Variants in CSGALNACT1 observed in about 807,000 individuals in gnomAD.
The protein encoded by CSGALNACT1 is beta4GalNAcT-1.
A neutral mutation model predicts 51.0 loss-of-function variants in CSGALNACT1; 52 were observed. The ratio of observed to expected loss-of-function variants is 1.02; its 90% CI spans 0.82 to 1.29. The LOEUF is 1.29. CSGALNACT1 is among the 50% of genes most tolerant of loss of function. The probability of loss-of-function intolerance (pLI) is 0.00; values close to 1 mark genes in which losing one functional copy is unlikely to be tolerated. For missense variants in CSGALNACT1, 935 were observed against 679.2 expected (o/e 1.38, Z -4.19); for synonymous variants, 341 against 254.4 (o/e 1.34, Z -3.24).
At chr8:19,458,605 A>G (rs753112856) in exon 5 of CSGALNACT1, 1 of 1,614,214 alleles carries the variant, frequency 6.2e-7, no homozygotes, top group Non-Finnish European at 8.5e-7. Context: ...AGGTGAGCTC[A>G]TACAATGTCC....
intron 4 of CSGALNACT1, among the ~76,000 whole-genome samples, chr8:19,467,165 G>A (rs1486781327): frequency 7.7e-6 from 1 of 130,460 alleles, no homozygotes; most frequent in Non-Finnish European, 1.5e-5. Context: ...TGTCACCCAG[G>A]CTGGAGTGCA....
intron 4 of CSGALNACT1, among the ~76,000 whole-genome samples, chr8:19,497,055 G>T (rs555461286): frequency 6.6e-6 from 1 of 152,186 alleles, no homozygotes; most frequent in Non-Finnish European, 1.5e-5. Context: ...TCACCTTAGG[G>T]AACTGGTGAA....
At chr8:19,459,643 C>T (rs1038736262) in intron 4 of CSGALNACT1, among the ~76,000 whole-genome samples, 2 of 152,140 alleles carry the variant, frequency 1.3e-5, no homozygotes, top group African/African-American at 4.8e-5. Context: ...ACTATCAAGC[C>T]AAACTGCCTG....
chr8:19,702,216 T>A (rs75683726), intron 1 of CSGALNACT1, among the ~76,000 whole-genome samples: 3,417 of 152,140 alleles, frequency 0.022, 132 homozygotes, highest in African/African-American at 0.079. Flanking sequence ...CCAAAGGTAT[T>A]CAGTGGATCC....
chr8:19,729,449 T>C (rs1012204952), intron 1 of CSGALNACT1, among the ~76,000 whole-genome samples: 2 of 152,210 alleles, frequency 1.3e-5, no homozygotes, highest in African/African-American at 2.4e-5. Context: ...GCCATACAGA[T>C]GCAGAATGGT....
At chr8:19,450,230 AG>A (rs1327451942) in intron 5 of CSGALNACT1, among the ~76,000 whole-genome samples, 10 of 58,690 alleles carry the variant, frequency 1.7e-4, no homozygotes, top group Admixed American at 1.4e-3. Context: ...AGGGAGGGGG[AG>A]GGGGCAGGGA....
At chr8:19,437,606 C>G (rs566532622) in intron 6 of CSGALNACT1, among the ~76,000 whole-genome samples, 6 of 152,180 alleles carry the variant, frequency 3.9e-5, no homozygotes, top group African/African-American at 1.4e-4. Context: ...GAGATCAACA[C>G]CAAAAAATTA....
chr8:19,536,255 A>T (rs2083712465), intron 3 of CSGALNACT1, among the ~76,000 whole-genome samples: 1 of 152,188 alleles, frequency 6.6e-6, no homozygotes, highest in Non-Finnish European at 1.5e-5. Context: ...TTAACAGGGG[A>T]GGCTACACAT....
chr8:19,643,601 G>A (rs2056961781), intron 1 of CSGALNACT1, among the ~76,000 whole-genome samples: 1 of 150,870 alleles, frequency 6.6e-6, no homozygotes, highest in Admixed American at 6.6e-5. Context: ...CTGCACCACT[G>A]CACTCCAGCC....
At chr8:19,469,512 G>A (rs2067588957) in intron 4 of CSGALNACT1, among the ~76,000 whole-genome samples, 1 of 152,162 alleles carries the variant, frequency 6.6e-6, no homozygotes, top group Non-Finnish European at 1.5e-5. Context: ...GGATAGATTT[G>A]AAAAATGATA....
intron 6 of CSGALNACT1, among the ~76,000 whole-genome samples, chr8:19,438,070 G>A (rs907849544): frequency 6.6e-6 from 1 of 152,154 alleles, no homozygotes; most frequent in Non-Finnish European, 1.5e-5. Flanking sequence ...GTAACCGTCA[G>A]CAAATGCCTG....
At chr8:19,733,244 A>G (rs1290595540) in intron 1 of CSGALNACT1, among the ~76,000 whole-genome samples, 1 of 152,172 alleles carries the variant, frequency 6.6e-6, no homozygotes, top group Non-Finnish European at 1.5e-5. Context: ...ATAAAATCCC[A>G]TCCCTATATT....
At chr8:19,546,939 C>T (rs771550743) in intron 3 of CSGALNACT1, among the ~76,000 whole-genome samples, 30 of 152,202 alleles carry the variant, frequency 2.0e-4, no homozygotes, top group African/African-American at 5.3e-4. Context: ...AGATGCTCTT[C>T]GCAGAGGGAG....
At chr8:19,545,741 G>T (rs1048481118) in intron 3 of CSGALNACT1, among the ~76,000 whole-genome samples, 1 of 151,004 alleles carries the variant, frequency 6.6e-6, no homozygotes, top group Non-Finnish European at 1.5e-5. Context: ...GTTAGATGAC[G>T]TTAATGAGAC....
intron 1 of CSGALNACT1, among the ~76,000 whole-genome samples, chr8:19,728,947 T>C (rs2063546533): frequency 6.6e-6 from 1 of 152,118 alleles, no homozygotes; most frequent in Non-Finnish European, 1.5e-5. Context: ...GGGTTACAAA[T>C]ATGTTACTAA....
At chr8:19,625,905 T>G (rs551817538) in intron 1 of CSGALNACT1, among the ~76,000 whole-genome samples, 6 of 152,310 alleles carry the variant, frequency 3.9e-5, no homozygotes, top group Middle Eastern at 3.4e-3. Flanking sequence ...CATAGTAAAA[T>G]GTTGCAATCA....
intron 1 of CSGALNACT1, among the ~76,000 whole-genome samples, chr8:19,711,702 C>T (rs115725336): frequency 0.013 from 1,942 of 152,312 alleles, 47 homozygotes; most frequent in African/African-American, 0.044. Flanking sequence ...AATATGACAT[C>T]TCACAGGTGA....
intron 1 of CSGALNACT1, among the ~76,000 whole-genome samples, chr8:19,645,878 C>A (rs2057230498): frequency 6.6e-6 from 1 of 152,166 alleles, no homozygotes; most frequent in African/African-American, 2.4e-5. Flanking sequence ...CCCACACCAA[C>A]TCCAAACTCC....
At chr8:19,614,148 C>G (rs965641939) in intron 1 of CSGALNACT1, among the ~76,000 whole-genome samples, 2 of 152,180 alleles carry the variant, frequency 1.3e-5, no homozygotes, top group Non-Finnish European at 2.9e-5. Flanking sequence ...CTTTTAAAAA[C>G]GTGTATTGAT....
Sources: allele counts gnomAD v4.1 joint callset (sites outside exome capture counted in the v4.1 genomes callset), GRCh38; gene constraint gnomAD v4.1.1; transcripts MANE v1.5; gene names NCBI Gene and HGNC (gene_info 2026-07-23, HGNC 2026-07-21).